The following MLIP variants were observed in gnomAD, a reference collection of about 807,000 sequenced individuals.
The protein encoded by MLIP is muscular LMNA-interacting protein.
MLIP carries 79 observed loss-of-function variants against 84.8 expected under a neutral mutation model. The observed-to-expected ratio is 0.93, with a 90% CI of 0.78 to 1.12. MLIP has a LOEUF of 1.12. Among genes scored for constraint, MLIP ranks in the 50% most tolerant of loss-of-function variants. MLIP has a pLI of 0.00. For synonymous variants in MLIP, 504 were observed against 463.0 expected, an observed-to-expected ratio of 1.09 and a Z score of -1.14; for missense variants, 1,257 against 1,160.6, an observed-to-expected ratio of 1.08 and a Z score of -1.21.
chr6:54,096,329 T>A (rs1482053621), intron 1 of MLIP, among the ~76,000 whole-genome samples: 1 of 152,170 alleles, frequency 6.6e-6, no homozygotes, highest in Non-Finnish European at 1.5e-5. Context: ...TTAAAATTGG[T>A]ACTTTGGAAA....
chr6:54,242,121 C>T (rs1308766718), intron 12 of MLIP, among the ~76,000 whole-genome samples: 2 of 152,122 alleles, frequency 1.3e-5, no homozygotes, highest in African/African-American at 2.4e-5. Flanking sequence ...TCATGGCGGT[C>T]TGATGTTGTG....
At chr6:54,242,072 A>G (rs1781774025) in intron 12 of MLIP, among the ~76,000 whole-genome samples, 1 of 152,208 alleles carries the variant, frequency 6.6e-6, no homozygotes, top group Non-Finnish European at 1.5e-5. Flanking sequence ...ATAGAGGATT[A>G]GGGGTTGGCA....
Position 54,124,738 on chromosome 6 carries a change from A to T in MLIP, c.518A>T (p.Lys173Met). 1 of 1,614,204 alleles carries T rather than the reference A, an allele frequency of 6.2e-7. No homozygotes were observed. The highest frequency in any genetic ancestry group is 2.2e-5 in the East Asian group (1 of 44,876). ...GGIGTAAVRPKSLAISSSLVS... is the reference protein window; with the variant it reads ...GGIGTAAVRPMSLAISSSLVS... ...ATTGGCACCGCAGCTGTCCGGCCCA[A>T]GTCTCTAGCTATCTCGTCCAGTCTG... is the stretch of plus-strand genomic sequence containing the variant. Residue 173 changes from lysine to methionine, a missense_variant, in exon 3 of 14, where the codon AAG becomes ATG. By Grantham distance (95) the Lys-to-Met change is moderately conservative. Transcript: ENST00000502396.
At chr6:54,098,591 G>A (rs551147517) in intron 1 of MLIP, among the ~76,000 whole-genome samples, 2 of 152,048 alleles carry the variant, frequency 1.3e-5, no homozygotes, top group East Asian at 1.9e-4. Flanking sequence ...TTACAACACC[G>A]AAGTTCAGGG....
At chr6:54,095,494 G>A (rs1037295821) in intron 1 of MLIP, among the ~76,000 whole-genome samples, 2 of 151,954 alleles carry the variant, frequency 1.3e-5, no homozygotes, top group Non-Finnish European at 2.9e-5. Context: ...ACCAGAGTTA[G>A]GACCTCATTC....
chr6:54,021,171 G>A (rs1763480116), intron 1 of MLIP, among the ~76,000 whole-genome samples: 1 of 152,160 alleles, frequency 6.6e-6, no homozygotes, highest in South Asian at 2.1e-4. Context: ...GACTGGCTAG[G>A]TTGCTGAAGA....
In MLIP at chr6:54,184,243, A is replaced by T. The variant is rs149685556; in HGVS notation, c.2545-5627A>T. Among the ~76,000 whole-genome samples, 82 of 152,314 alleles carry T rather than the reference A, an allele frequency of 5.4e-4. 1 individual carries two copies. Among genetic ancestry groups the T allele is most frequent in the African/African-American group, 1.9e-3 (78 of 41,574 alleles). ...AGTCAACAGAGAAAAAGGGAAAAGA[A>T]GCATCTTAACGGTATCAAACCTGAC... On this transcript the variant is annotated intron_variant, in intron 9 of 13. Coordinates refer to ENST00000502396, the MANE Select transcript of MLIP (RefSeq NM_001281747.2).
rs532848650 is a variant in MLIP, at chr6:54,266,070, G to A, written c.*115G>A. ...TCCAGAATGAGTGCTCCCTTTATGA[G>A]CTGCAGTGCAGCAGAACCAAAAAAA... is the stretch of plus-strand genomic sequence containing the variant. On this transcript the variant is annotated 3_prime_UTR_variant, in exon 14 of 14. Transcript: ENST00000502396. The A allele has an allele frequency of 1.9e-6, 2 of 1,038,186 alleles. No individual in the cohort carries two copies. The highest frequency in any genetic ancestry group is 2.1e-5 in the Admixed American group (1 of 46,844). 64.3% of individuals were successfully genotyped at this position (1,038,186 alleles called of 1,614,324 possible).
At chr6:54,196,816 A>G (rs1451171321) in intron 10 of MLIP, among the ~76,000 whole-genome samples, 2 of 152,170 alleles carry the variant, frequency 1.3e-5, no homozygotes, top group African/African-American at 4.8e-5. Flanking sequence ...TAGTTGAGAA[A>G]GAAAGACAAT....
At chr6:54,207,558 A>T (rs529084001) in intron 11 of MLIP, among the ~76,000 whole-genome samples, 13 of 152,172 alleles carry the variant, frequency 8.5e-5, no homozygotes, top group African/African-American at 3.1e-4. Flanking sequence ...CAGCTGCCTT[A>T]TGTAGGAGTA....
chr6:54,200,469 G>A (rs1402622530), intron 10 of MLIP, among the ~76,000 whole-genome samples: 3 of 151,954 alleles, frequency 2.0e-5, no homozygotes, highest in Non-Finnish European at 4.4e-5. Context: ...TGCAGGAATA[G>A]GAGAAGAAGA....
intron 1 of MLIP, among the ~76,000 whole-genome samples, chr6:54,036,256 TTTA>T (rs1434437957): frequency 6.7e-6 from 1 of 148,500 alleles, no homozygotes; most frequent in Non-Finnish European, 1.5e-5. Context: ...TTTTTTTTTT[TTTA>T]AATCTCCTTA....
intron 1 of MLIP, among the ~76,000 whole-genome samples, chr6:54,037,681 G>A (rs898317120): frequency 2.6e-5 from 4 of 151,968 alleles, no homozygotes; most frequent in South Asian, 2.1e-4. Context: ...GAAAGCAAAG[G>A]TCAGCAGCCT....
Position 54,137,953 on chromosome 6 carries a change from A to T in MLIP, c.1884A>T (p.Ser628=), listed in dbSNP as rs957064233. ...SSLINRSKRA[S]SQLSGQELNP... is the part of the protein sequence containing the mutation. Reference sequence around the variant, plus strand: ...TGATAAACAGATCTAAAAGAGCATCATCCCAACTATCTGGCCAGGAGCTGA... The same window carrying T: ...TGATAAACAGATCTAAAAGAGCATCTTCCCAACTATCTGGCCAGGAGCTGA... Residue 628 remains serine (S), a synonymous_variant, in exon 4 of 14, where the codon TCA becomes TCT. Coordinates refer to ENST00000502396, the MANE Select transcript of MLIP (RefSeq NM_001281747.2). The T allele has an allele frequency of 1.3e-6, 2 of 1,535,976 alleles. No individual in the cohort carries two copies. Among genetic ancestry groups the T allele is most frequent in the Admixed American group, 2.0e-5 (1 of 50,982 alleles).
intron 1 of MLIP, among the ~76,000 whole-genome samples, chr6:54,074,939 CT>C (rs1467643729): frequency 6.6e-6 from 1 of 152,022 alleles, no homozygotes. Flanking sequence ...AGAACAGCTG[CT>C]GCATTTGCTT....
intron 1 of MLIP, chr6:54,029,538 C>T (rs1764008308): frequency 6.6e-6 from 1 of 152,232 alleles, no homozygotes; most frequent in Non-Finnish European, 1.5e-5. Flanking sequence ...GAGTATATTT[C>T]TGTTCTTCAT....
At chr6:54,029,204 A>G (rs1763986161) in intron 1 of MLIP, 1 of 152,050 alleles carries the variant, frequency 6.6e-6, no homozygotes, top group African/African-American at 2.4e-5. Flanking sequence ...TCTTTTTTTG[A>G]GGGATGCTAC....
intron 11 of MLIP, among the ~76,000 whole-genome samples, chr6:54,220,247 A>G (rs1780131576): frequency 6.6e-6 from 1 of 152,198 alleles, no homozygotes; most frequent in Non-Finnish European, 1.5e-5. Flanking sequence ...TTTAACTAAT[A>G]ATTGCATTAT....
chr6:54,143,217 CT>C (rs35374553), intron 4 of MLIP, among the ~76,000 whole-genome samples: 43,412 of 132,328 alleles, frequency 0.33, 7,352 homozygotes, highest in African/African-American at 0.51. Context: ...GGGGGATTTG[CT>C]TTTTTTTTTT....
Sources: allele counts gnomAD v4.1 joint callset (sites outside exome capture counted in the v4.1 genomes callset), GRCh38; gene constraint gnomAD v4.1.1; transcripts MANE v1.5; gene names NCBI Gene and HGNC (gene_info 2026-07-23, HGNC 2026-07-21).